Variants in SERPINB5 observed in about 807,000 individuals in gnomAD.
SERPINB5 encodes the protein serpin family B member 5, also known as serpin B5.
Under a neutral mutation model 32.2 loss-of-function variants are expected in SERPINB5, and 27 were observed. That is an observed-to-expected ratio of 0.84 (90% CI 0.62 to 1.16). The LOEUF (loss-of-function observed/expected upper bound fraction) is 1.16. SERPINB5 is among the 50% of genes most tolerant of loss of function. The pLI is 0.00. For missense variants in SERPINB5, 388 were observed against 436.3 expected, an observed-to-expected ratio of 0.89 and a Z score of 0.99; for synonymous variants, 154 against 157.4, an observed-to-expected ratio of 0.98 and a Z score of 0.16.
Position 63,503,806 on chromosome 18 carries a change from A to T in SERPINB5, c.*84A>T. 8 of 1,395,718 alleles carry T rather than the reference A, an allele frequency of 5.7e-6. No individual in the cohort carries two copies. The South Asian group carries it at 9.9e-5, about 17-fold the overall frequency. The allele number at this position is 1,395,718 out of a possible 1,614,324, so 86.5% of individuals were successfully genotyped here. A position where few individuals can be genotyped will look rare whatever the true frequency, so the allele number is the denominator to read the frequency against. On this transcript the variant is annotated 3_prime_UTR_variant, in exon 7 of 7. Transcript: ENST00000382771. Reference sequence around the variant, plus strand: ...CTCTGCATCCAGAGATTCATTTTCTAGATACAATAAATTGCTAATGTTGCT... The same window carrying T: ...CTCTGCATCCAGAGATTCATTTTCTTGATACAATAAATTGCTAATGTTGCT...
chr18:63,484,364 G>C, intron 1 of SERPINB5, 58 bp from the exon 2 acceptor site: 1 of 1,480,178 alleles, frequency 6.8e-7, no homozygotes, highest in Non-Finnish European at 9.1e-7. Flanking sequence ...GCAGAATGCA[G>C]TTGAGAAGAC....
rs1211975138 is a variant in SERPINB5, at chr18:63,484,408, G to A, written c.-7-14G>A. 1 of 1,604,488 alleles carries A rather than the reference G, an allele frequency of 6.2e-7. No homozygotes were observed. Among genetic ancestry groups the A allele is most frequent in the Non-Finnish European group, 8.5e-7 (1 of 1,176,036 alleles). On this transcript the variant is annotated splice_polypyrimidine_tract_variant and intron_variant, in intron 1 of 6. Transcript: ENST00000382771. ...TGCTTTAGAAACTAACTGCTCCCTT[G>A]TCCTTGCTTCCAGGCCCGCAATGGA...
At chr18:63,489,530 T>C (rs1917268520) in intron 4 of SERPINB5, 66 bp downstream of exon 4, 11 of 870,494 alleles carry the variant, frequency 1.3e-5, no homozygotes, top group Non-Finnish European at 1.8e-5. Flanking sequence ...CTCATAAATG[T>C]TTGCTCCAAG....
At chr18:63,496,282 A>G (rs769566937) in intron 5 of SERPINB5, among the ~76,000 whole-genome samples, 17 of 152,228 alleles carry the variant, frequency 1.1e-4, no homozygotes, top group Non-Finnish European at 1.9e-4. Flanking sequence ...AAATTTCTTT[A>G]GGAGGAATAT....
intron 5 of SERPINB5, chr18:63,493,357 A>G (rs1474214993): frequency 2.8e-5 from 16 of 571,406 alleles, no homozygotes; most frequent in African/African-American, 1.9e-5. Context: ...GAGGAAAGCT[A>G]AGTCACCAGC....
At chr18:63,478,583 G>A (rs544251910) in intron 1 of SERPINB5, among the ~76,000 whole-genome samples, 2 of 152,256 alleles carry the variant, frequency 1.3e-5, no homozygotes, top group African/African-American at 4.8e-5. Flanking sequence ...AACAGAGGTT[G>A]TGTTTTTTGG....
At position 63,503,783 on chromosome 18, in the gene SERPINB5, C is replaced by G; in HGVS notation, c.*61C>G. The G allele has an allele frequency of 6.6e-7, 1 of 1,511,096 alleles. No homozygotes were observed. The highest frequency in any genetic ancestry group is 9.1e-7 in the Non-Finnish European group (1 of 1,101,124). 93.6% of individuals were successfully genotyped at this position (1,511,096 alleles called of 1,614,324 possible). A position where few individuals can be genotyped will look rare whatever the true frequency, so the allele number is the denominator to read the frequency against. On this transcript the variant is annotated 3_prime_UTR_variant, in exon 7 of 7. Transcript: ENST00000382771. ...CTGTGGATGCCGATTTCTGTAAACT[C>G]TGCATCCAGAGATTCATTTTCTAGA...
At chr18:63,486,827 C>T (rs1244412135) in intron 2 of SERPINB5, 119 bp from the exon 3 acceptor site, 38 of 1,004,300 alleles carry the variant, frequency 3.8e-5, no homozygotes, top group South Asian at 1.8e-4. Context: ...CCTTACTTTA[C>T]GGGAACTAGG....
In SERPINB5 at chr18:63,497,124, C is replaced by T. The variant is rs150219399; in HGVS notation, c.568-1996C>T. The T allele has an allele frequency of 6.2e-5, 39 of 625,682 alleles. No homozygotes were observed. In the East Asian group the frequency reaches 1.3e-3, roughly 20 times the overall value. The allele number at this position is 625,682 out of a possible 1,614,324, so 38.8% of individuals were successfully genotyped here. On this transcript the variant is annotated intron_variant, in intron 5 of 6. Coordinates refer to ENST00000382771, the MANE Select transcript of SERPINB5 (RefSeq NM_002639.5). ...TAAACAGCCTTCCTACAGCAGCTCCCCACTTTAGGTGTGGCCAGACAGGAG... is the reference window on the plus strand; with the variant it reads ...TAAACAGCCTTCCTACAGCAGCTCCTCACTTTAGGTGTGGCCAGACAGGAG...
intron 1 of SERPINB5, among the ~76,000 whole-genome samples, chr18:63,478,708 G>T (rs1352112601): frequency 6.6e-6 from 1 of 151,616 alleles, no homozygotes; most frequent in African/African-American, 2.4e-5. Flanking sequence ...TTAAAATGAG[G>T]CAGGCCAGGC....
chr18:63,490,181 G>C (rs8092619), intron 4 of SERPINB5, among the ~76,000 whole-genome samples: 33,258 of 151,846 alleles, frequency 0.22, 7,197 homozygotes, highest in African/African-American at 0.56. Context: ...GACAGAGTGA[G>C]ACTCTGTCTT....
At chr18:63,482,986 TCCG>T (rs1917149146) in intron 1 of SERPINB5, among the ~76,000 whole-genome samples, 2 of 152,124 alleles carry the variant, frequency 1.3e-5, no homozygotes, top group African/African-American at 2.4e-5. Context: ...TCTGGAAAAC[TCCG>T]CTGTCTATTA....
At chr18:63,492,851 T>C (rs1045104992) in intron 4 of SERPINB5, 102 bp from the exon 5 acceptor site, 3 of 1,415,768 alleles carry the variant, frequency 2.1e-6, no homozygotes, top group Non-Finnish European at 2.9e-6. Context: ...TTACATGGTG[T>C]GACTCCATGA....
intron 4 of SERPINB5, among the ~76,000 whole-genome samples, chr18:63,492,540 T>G (rs1909361646): frequency 6.6e-6 from 1 of 152,260 alleles, no homozygotes; most frequent in South Asian, 2.1e-4. Flanking sequence ...AGAGCTGGCT[T>G]TGAATCCTGA....
At chr18:63,494,660 T>G (rs1042174927) in intron 5 of SERPINB5, among the ~76,000 whole-genome samples, 4 of 152,224 alleles carry the variant, frequency 2.6e-5, no homozygotes, top group African/African-American at 9.6e-5. Flanking sequence ...GGAAAAGCCC[T>G]GCAAGATACA....
Position 63,484,504 on chromosome 18 carries a change from G to A in SERPINB5, c.76G>A (p.Gly26Ser), listed in dbSNP as rs1917174277. 3 of 1,614,020 alleles carry A rather than the reference G, an allele frequency of 1.9e-6. No individual in the cohort carries two copies. The highest frequency in any genetic ancestry group is 2.5e-6 in the Non-Finnish European group (3 of 1,180,036). Residue 26 changes from glycine to serine, a missense_variant, in exon 2 of 7, where the codon GGC (glycine) becomes AGC (serine). Physicochemically the swap from Gly to Ser is moderately conservative, Grantham distance 56. Transcript: ENST00000382771. Reference sequence around the variant, plus strand: ...ACAACTATGTGAAAAGGAGCCACTGGGCAATGTCCTCTTCTCTCCAATCTG... The same window carrying A: ...ACAACTATGTGAAAAGGAGCCACTGAGCAATGTCCTCTTCTCTCCAATCTG... Reference protein sequence around the residue: ...FKQLCEKEPLGNVLFSPICLS... With the variant: ...FKQLCEKEPLSNVLFSPICLS...
At position 63,484,602 on chromosome 18, in the gene SERPINB5, C is replaced by T. The variant is rs371064781; in HGVS notation, c.168+6C>T. 7.3e-5 allele frequency: 118 copies of T among 1,608,748 alleles called. No homozygotes were observed. In the South Asian group the frequency reaches 8.8e-4, roughly 12 times the overall value. On this transcript the variant is annotated splice_donor_region_variant and intron_variant, in intron 2 of 6. Coordinates refer to ENST00000382771, the MANE Select transcript of SERPINB5 (RefSeq NM_002639.5). ...CTGCAAATGAAATTGGACAGGTAAGCCCCAAAACCTTGTTTCTACTTTAAG... is the reference window on the plus strand; with the variant it reads ...CTGCAAATGAAATTGGACAGGTAAGTCCCAAAACCTTGTTTCTACTTTAAG...
chr18:63,482,768 A>G (rs1917144986), intron 1 of SERPINB5, among the ~76,000 whole-genome samples: 2 of 151,458 alleles, frequency 1.3e-5, no homozygotes, highest in African/African-American at 2.4e-5. Flanking sequence ...ATCACTATTT[A>G]CCAAACTAGA....
intron 6 of SERPINB5, among the ~76,000 whole-genome samples, chr18:63,501,165 G>A (rs1599394815): frequency 1.3e-5 from 2 of 151,158 alleles, no homozygotes; most frequent in South Asian, 2.1e-4. Context: ...TTTATATTAG[G>A]TATATCTCCC....
Sources: gnomAD v4.1 joint callset for allele counts (sites outside exome capture counted in the v4.1 genomes callset) on GRCh38, gnomAD v4.1.1 for gene constraint, MANE v1.5 for transcripts, NCBI Gene and HGNC (gene_info 2026-07-23, HGNC 2026-07-21) for gene names.